Variants in OXR1 observed in about 807,000 individuals in gnomAD.
OXR1 encodes oxidation resistance 1.
OXR1 carries 41 observed loss-of-function variants against 104.6 expected under a neutral mutation model. The observed-to-expected ratio is 0.39, with a 90% CI of 0.31 to 0.51. OXR1 has a LOEUF of 0.51. Ranked by LOEUF, OXR1 falls within the 20% of genes least tolerant of loss-of-function variation. The pLI, the probability that OXR1 is intolerant of heterozygous loss-of-function variation, is 0.77. For missense variants in OXR1, 955 were observed against 1,031.9 expected (o/e 0.93, Z 1.02); for synonymous variants, 348 against 348.4 (o/e 1.00, Z 0.01).
chr8:106,455,001 T>A (rs1820526259), intron 2 of OXR1, among the ~76,000 whole-genome samples: 2 of 152,196 alleles, frequency 1.3e-5, no homozygotes, highest in African/African-American at 4.8e-5. Flanking sequence ...ATAGTACTTT[T>A]GTCTGTACCC....
At chr8:106,693,424 C>CTTTTTTTTT (rs11384137) in intron 7 of OXR1, among the ~76,000 whole-genome samples, 1 of 97,556 alleles carries the variant, frequency 1.0e-5, no homozygotes, top group African/African-American at 4.1e-5. Context: ...TAGTCAGAAT[C>CTTTTTTTTT]TTTTTTTTTT....
intron 3 of OXR1, among the ~76,000 whole-genome samples, chr8:106,531,838 A>G (rs1563585360): frequency 6.6e-6 from 1 of 152,174 alleles, no homozygotes; most frequent in Non-Finnish European, 1.5e-5. Flanking sequence ...ATCTTTTGTG[A>G]TATGAAAAAC....
intron 2 of OXR1, among the ~76,000 whole-genome samples, chr8:106,398,457 G>A (rs1817871514): frequency 6.6e-6 from 1 of 152,142 alleles, no homozygotes; most frequent in Non-Finnish European, 1.5e-5. Context: ...GAGAAAGAAC[G>A]AGTCAGTTGC....
At chr8:106,306,586 G>A (rs2130113447) in intron 1 of OXR1, among the ~76,000 whole-genome samples, 1 of 151,810 alleles carries the variant, frequency 6.6e-6, no homozygotes, top group African/African-American at 2.4e-5. Context: ...ATACTACTTA[G>A]CAATACAGAG....
intron 2 of OXR1, among the ~76,000 whole-genome samples, chr8:106,444,198 A>G (rs1819909795): frequency 6.6e-6 from 1 of 152,148 alleles, no homozygotes; most frequent in Non-Finnish European, 1.5e-5. Context: ...AATAGATTCT[A>G]ATGAGGCTGT....
chr8:106,534,953 G>A (rs77309083), intron 3 of OXR1, among the ~76,000 whole-genome samples: 1 of 151,762 alleles, frequency 6.6e-6, no homozygotes, highest in Non-Finnish European at 1.5e-5. Context: ...CTAGCACGAG[G>A]TTTTTTTTGT....
intron 2 of OXR1, among the ~76,000 whole-genome samples, chr8:106,472,956 C>A (rs1216100908): frequency 6.6e-6 from 1 of 151,856 alleles, no homozygotes; most frequent in Non-Finnish European, 1.5e-5. Context: ...ACTTCCTAAC[C>A]AGTTTCTCCA....
chr8:106,642,142 T>C (rs761653071), intron 3 of OXR1, among the ~76,000 whole-genome samples: 2 of 152,044 alleles, frequency 1.3e-5, no homozygotes, highest in African/African-American at 2.4e-5. Context: ...TACTGTAAAA[T>C]TGAAATTTTT....
intron 3 of OXR1, among the ~76,000 whole-genome samples, chr8:106,575,365 T>A (rs1817749768): frequency 1.3e-5 from 2 of 152,110 alleles, no homozygotes; most frequent in African/African-American, 4.8e-5. Context: ...TCTACTAGTT[T>A]TTTTCATATC....
At chr8:106,377,892 A>G (rs926781185) in intron 2 of OXR1, among the ~76,000 whole-genome samples, 13 of 152,166 alleles carry the variant, frequency 8.5e-5, no homozygotes, top group African/African-American at 2.4e-4. Context: ...AATTATGGTG[A>G]TAACTGAACA....
At chr8:106,595,914 C>T (rs1819494862) in intron 3 of OXR1, among the ~76,000 whole-genome samples, 1 of 151,826 alleles carries the variant, frequency 6.6e-6, no homozygotes, top group Non-Finnish European at 1.5e-5. Context: ...GAATATGAAC[C>T]CTTGAAAAAG....
intron 4 of OXR1, among the ~76,000 whole-genome samples, chr8:106,680,635 A>G (rs1044646912): frequency 3.3e-5 from 5 of 152,090 alleles, no homozygotes; most frequent in South Asian, 4.1e-4. Context: ...TTAATTCCCA[A>G]TGTGAGTGGT....
In OXR1 at chr8:106,382,326, GA is replaced by G. The variant is rs1370547645; in HGVS notation, c.23+22700del. Among the ~76,000 whole-genome samples the G allele has an allele frequency of 4.0e-5, 6 of 148,220 alleles. No individual in the cohort carries two copies. The East Asian group carries it at 5.9e-4, about 15-fold the overall frequency. On this transcript the variant is annotated intron_variant, in intron 2 of 16. Coordinates refer to ENST00000517566, the MANE Select transcript of OXR1 (RefSeq NM_001198533.2). ...TGTTTACTAACCCAGATCCCCAAGTGAAAAAAAAAATGCAGCATCCTGATTT... is the reference window on the plus strand; with the variant it reads ...TGTTTACTAACCCAGATCCCCAAGTGAAAAAAAAATGCAGCATCCTGATTT...
intron 3 of OXR1, among the ~76,000 whole-genome samples, chr8:106,563,574 G>A (rs1367009218): frequency 1.3e-5 from 2 of 152,166 alleles, no homozygotes; most frequent in Non-Finnish European, 2.9e-5. Flanking sequence ...ATATTAGACA[G>A]AACAATAAGA....
intron 2 of OXR1, among the ~76,000 whole-genome samples, chr8:106,440,503 C>A (rs376010330): frequency 6.0e-4 from 92 of 152,126 alleles, no homozygotes; most frequent in African/African-American, 2.1e-3. Flanking sequence ...AAGATACTTC[C>A]ATTCCTTTCT....
At chr8:106,515,598 A>G (rs1010953958) in intron 2 of OXR1, among the ~76,000 whole-genome samples, 17 of 152,080 alleles carry the variant, frequency 1.1e-4, no homozygotes. Context: ...TCATGTTGTA[A>G]ATGACAAGAT....
At chr8:106,708,095 C>T (rs1286442594) in intron 9 of OXR1, among the ~76,000 whole-genome samples, 7 of 152,018 alleles carry the variant, frequency 4.6e-5, no homozygotes, top group Non-Finnish European at 1.0e-4. Flanking sequence ...CTCTGTACCC[C>T]TTAAACAATA....
intron 1 of OXR1, among the ~76,000 whole-genome samples, chr8:106,335,750 AAG>A (rs1814934646): frequency 6.6e-6 from 1 of 152,108 alleles, no homozygotes; most frequent in East Asian, 1.9e-4. Flanking sequence ...TTTCTTATAA[AAG>A]AGTGATTTTT....
At chr8:106,454,657 G>A (rs1041681799) in intron 2 of OXR1, among the ~76,000 whole-genome samples, 13 of 151,898 alleles carry the variant, frequency 8.6e-5, no homozygotes, top group Middle Eastern at 3.2e-3. Context: ...ACTAAAGTCC[G>A]TCTCAGAATT....
Sources: allele counts gnomAD v4.1 joint callset (sites outside exome capture counted in the v4.1 genomes callset), GRCh38; gene constraint gnomAD v4.1.1; transcripts MANE v1.5; gene names NCBI Gene and HGNC (gene_info 2026-07-23, HGNC 2026-07-21).